The following LVRN variants were observed in gnomAD, a reference collection of about 807,000 sequenced individuals.
LVRN encodes laeverin, also known as aminopeptidase Q.
In LVRN, 99 loss-of-function variants were observed where a neutral mutation model predicts 111.4. That is an observed-to-expected ratio of 0.89 (90% CI 0.76 to 1.05). LVRN has a LOEUF of 1.05. Ranked by LOEUF, LVRN falls within the 50% of genes least tolerant of loss-of-function variation. The probability of loss-of-function intolerance (pLI) is 0.00; values close to 1 mark genes in which losing one functional copy is unlikely to be tolerated. For synonymous variants in LVRN, 488 were observed against 449.5 expected, an observed-to-expected ratio of 1.09 and a Z score of -1.08; for missense variants, 1,414 against 1,206.8, an observed-to-expected ratio of 1.17 and a Z score of -2.54.
Position 116,015,368 on chromosome 5 carries a change from T to TATATATA in LVRN, c.2567_2568insATATATA (p.Gln857TyrfsTer18). 5.7e-6 allele frequency: 9 copies of TATATATA among 1,585,878 alleles called. No homozygotes were observed. Among genetic ancestry groups the TATATATA allele is most frequent in the South Asian group, 4.6e-5 (4 of 86,788 alleles). The stretch of plus-strand genomic sequence containing the variant: ...AATACAACAAACAAAGAAGAAAAGA[T>TATATATA]TCAACTTGCTTATGCAATGAGCTGC... On this transcript the variant is annotated frameshift_variant, in exon 17 of 20. Coordinates refer to ENST00000357872, the MANE Select transcript of LVRN (RefSeq NM_173800.5). LOFTEE classifies it high-confidence loss of function.
intron 9 of LVRN, 90 bp downstream of exon 9, chr5:116,000,748 A>G (rs1443927980): frequency 1.5e-6 from 2 of 1,358,102 alleles, no homozygotes; most frequent in East Asian, 4.6e-5. Context: ...TGGCAGTTCC[A>G]CAGGAAAACA....
chr5:115,979,771 T>TA (rs375072090), intron 1 of LVRN, among the ~76,000 whole-genome samples: 68 of 152,294 alleles, frequency 4.5e-4, no homozygotes, highest in African/African-American at 1.4e-3. Flanking sequence ...TGTTATTGTG[T>TA]AAAAAAACTG....
chr5:115,970,617 C>A (rs188456291), intron 1 of LVRN, among the ~76,000 whole-genome samples: 1 of 152,112 alleles, frequency 6.6e-6, no homozygotes, highest in Non-Finnish European at 1.5e-5. Flanking sequence ...GATATTCTGA[C>A]CTTGTGATCC....
In LVRN at chr5:115,999,846, G is replaced by A. The variant is rs148975146; in HGVS notation, c.1459G>A (p.Glu487Lys). ...GACTAGAGCTGTGGCCATGAAGGTG[G>A]AAAATTTCAAAACAAGTGAAATACA... ...LVTRAVAMKV[E>K]NFKTSEIQEL... is the part of the protein sequence containing the mutation. Residue 487 changes from glutamate to lysine, a missense_variant, in exon 7 of 20, where the codon GAA becomes AAA. Glu to Lys is a moderately conservative substitution (Grantham distance 56, BLOSUM62 1). Coordinates refer to ENST00000357872, the MANE Select transcript of LVRN (RefSeq NM_173800.5). The A allele has an allele frequency of 1.5e-3, 2,386 of 1,613,664 alleles. 3 individuals carry two copies. Among genetic ancestry groups the A allele is most frequent in the Admixed American group, 2.1e-3 (127 of 59,904 alleles).
chr5:115,991,628 A>C (rs1747990261), intron 4 of LVRN, among the ~76,000 whole-genome samples: 1 of 152,222 alleles, frequency 6.6e-6, no homozygotes, highest in Non-Finnish European at 1.5e-5. Context: ...CCCCACGAGC[A>C]ATGAATGAGA....
At chr5:115,992,367 C>A in intron 5 of LVRN, 90 bp downstream of exon 5, 1 of 1,368,866 alleles carries the variant, frequency 7.3e-7, no homozygotes, top group Non-Finnish European at 1.0e-6. Context: ...AAGACCCTGC[C>A]ATATACCATA....
chr5:115,983,478 T>C (rs764372989), intron 2 of LVRN, 49 bp downstream of exon 2: 16 of 1,527,020 alleles, frequency 1.0e-5, no homozygotes, highest in Non-Finnish European at 1.4e-5. Context: ...ATATAAGCTT[T>C]GTAATCACAT....
rs1469018459 is a variant in LVRN, at chr5:115,987,850, G to C, written c.1016G>C (p.Gly339Ala). Residue 339 changes from glycine to alanine, a missense_variant, in exon 4 of 20, where the codon GGA (glycine) becomes GCA (alanine). Gly to Ala is a moderately conservative substitution (Grantham distance 60, BLOSUM62 0). Transcript: ENST00000357872. ...IWARKDAIANGSADFALNITG... is the reference protein window; with the variant it reads ...IWARKDAIANASADFALNITG... ...GCCCGGAAAGATGCAATTGCAAATG[G>C]AAGTGCAGACTTTGCTTTGAACATC... The C allele has an allele frequency of 1.2e-6, 2 of 1,613,192 alleles. No homozygotes were observed. The highest frequency in any genetic ancestry group is 1.7e-6 in the Non-Finnish European group (2 of 1,179,548).
At chr5:115,978,312 C>A (rs1447885747) in intron 1 of LVRN, among the ~76,000 whole-genome samples, 1 of 152,196 alleles carries the variant, frequency 6.6e-6, no homozygotes, top group African/African-American at 2.4e-5. Context: ...CTGAGCAGTC[C>A]TCTCTGGGAG....
chr5:115,970,993 C>A (rs1164038875), intron 1 of LVRN, among the ~76,000 whole-genome samples: 1 of 152,190 alleles, frequency 6.6e-6, no homozygotes, highest in Non-Finnish European at 1.5e-5. Context: ...TGGCAGAATT[C>A]TAGTTGTTCC....
intron 4 of LVRN, among the ~76,000 whole-genome samples, 161 bp from the exon 5 acceptor site, chr5:115,991,962 T>C (rs1748001180): frequency 6.6e-6 from 1 of 152,206 alleles, no homozygotes; most frequent in African/African-American, 2.4e-5. Context: ...TTTGCTGGCT[T>C]TTGTCTTTGG....
chr5:116,018,533 A>AT (rs1748647502), intron 18 of LVRN, among the ~76,000 whole-genome samples: 1 of 152,054 alleles, frequency 6.6e-6, no homozygotes, highest in Non-Finnish European at 1.5e-5. Flanking sequence ...GTAGCCAGGC[A>AT]TGGTGGCACA....
intron 18 of LVRN, among the ~76,000 whole-genome samples, chr5:116,017,554 A>C (rs921018937): frequency 6.6e-6 from 1 of 152,120 alleles, no homozygotes; most frequent in African/African-American, 2.4e-5. Flanking sequence ...TATTGTGTTT[A>C]GTTTTTCATG....
intron 13 of LVRN, among the ~76,000 whole-genome samples, chr5:116,007,411 C>T (rs1748397984): frequency 6.6e-6 from 1 of 152,164 alleles, no homozygotes; most frequent in Non-Finnish European, 1.5e-5. Context: ...CTTATTTGTC[C>T]TGGACTGCCT....
chr5:116,020,345 C>T (rs1561571076), intron 18 of LVRN, among the ~76,000 whole-genome samples: 1 of 152,190 alleles, frequency 6.6e-6, no homozygotes, highest in African/African-American at 2.4e-5. Flanking sequence ...ATTTTTGTGA[C>T]TTTCCACTGG....
intron 4 of LVRN, among the ~76,000 whole-genome samples, chr5:115,991,768 C>T (rs1033766476): frequency 6.6e-6 from 1 of 152,176 alleles, no homozygotes; most frequent in South Asian, 2.1e-4. Context: ...TGATGTTGAG[C>T]ATCTTTTCAT....
intron 6 of LVRN, among the ~76,000 whole-genome samples, chr5:115,998,687 C>T (rs1748171530): frequency 6.6e-6 from 1 of 152,150 alleles, no homozygotes; most frequent in African/African-American, 2.4e-5. Flanking sequence ...AAACTAGCAG[C>T]ATCAGCATCA....
intron 16 of LVRN, 31 bp downstream of exon 16, chr5:116,014,558 T>C: frequency 6.4e-7 from 1 of 1,561,706 alleles, no homozygotes; most frequent in Non-Finnish European, 8.8e-7. Context: ...CCTCTTGTTT[T>C]TGTCCTATTT....
chr5:116,000,552 G>A, intron 8 of LVRN, 41 bp from the exon 9 acceptor site: 1 of 1,611,930 alleles, frequency 6.2e-7, no homozygotes, highest in African/African-American at 1.3e-5. Flanking sequence ...AATTCCATTG[G>A]CATGCTATTT....
Sources: allele counts gnomAD v4.1 joint callset (sites outside exome capture counted in the v4.1 genomes callset), GRCh38; gene constraint gnomAD v4.1.1; transcripts MANE v1.5; gene names NCBI Gene and HGNC (gene_info 2026-07-23, HGNC 2026-07-21).